Variants in DYM observed in about 807,000 individuals in gnomAD.
DYM encodes dymeclin.
In DYM, 78 loss-of-function variants were observed where a neutral mutation model predicts 93.1. That is an observed-to-expected ratio of 0.84 (90% CI 0.70 to 1.01). The LOEUF (loss-of-function observed/expected upper bound fraction) is 1.01, where lower values mean the gene tolerates loss of function less well. Ranked by LOEUF, DYM falls within the 50% of genes least tolerant of loss-of-function variation. The pLI, the probability that DYM is intolerant of heterozygous loss-of-function variation, is 0.00. For missense variants in DYM, 789 were observed against 845.0 expected (o/e 0.93, Z 0.82); for synonymous variants, 321 against 319.7 (o/e 1.00, Z -0.04).
At chr18:49,387,299 C>T (rs747786475) in intron 3 of DYM, among the ~76,000 whole-genome samples, 8 of 151,750 alleles carry the variant, frequency 5.3e-5, no homozygotes, top group African/African-American at 9.7e-5. Context: ...TTTTTTGTGA[C>T]GGAGTCTCAC....
chr18:49,243,020 G>T (rs1041672726), intron 13 of DYM, among the ~76,000 whole-genome samples: 17 of 152,144 alleles, frequency 1.1e-4, no homozygotes, highest in African/African-American at 3.9e-4. Context: ...GTTTCTAAAG[G>T]AAGCTTAGGG....
intron 2 of DYM, chr18:49,413,208 A>G (rs1183533165): frequency 1.3e-5 from 2 of 152,254 alleles, no homozygotes; most frequent in African/African-American, 2.4e-5. Context: ...CTGGACTTAG[A>G]CAAATAAACC....
intron 15 of DYM, among the ~76,000 whole-genome samples, chr18:49,132,655 G>A (rs2083471933): frequency 6.6e-6 from 1 of 151,824 alleles, no homozygotes; most frequent in Non-Finnish European, 1.5e-5. Flanking sequence ...AAAGTTAGTT[G>A]AAAAATAAAA....
intron 15 of DYM, among the ~76,000 whole-genome samples, chr18:49,148,304 G>A (rs551928588): frequency 6.6e-6 from 1 of 151,122 alleles, no homozygotes; most frequent in Non-Finnish European, 1.5e-5. Context: ...TAACAAACCT[G>A]CATGTTGTGC....
At chr18:49,314,668 T>C (rs1269702994) in intron 8 of DYM, among the ~76,000 whole-genome samples, 1 of 152,368 alleles carries the variant, frequency 6.6e-6, no homozygotes. Flanking sequence ...ATTTGCCTAA[T>C]TTTGAAAGAG....
chr18:49,186,193 T>TA (rs1234755601), intron 14 of DYM, among the ~76,000 whole-genome samples: 1 of 152,218 alleles, frequency 6.6e-6, no homozygotes, highest in Non-Finnish European at 1.5e-5. Context: ...ATAATCACTT[T>TA]ATTTTTTGCT....
intron 16 of DYM, among the ~76,000 whole-genome samples, chr18:49,103,526 T>A (rs2080422940): frequency 1.3e-5 from 2 of 152,234 alleles, no homozygotes; most frequent in South Asian, 4.1e-4. Context: ...GGTTTTCTTC[T>A]AGGGTTTTTA....
intron 14 of DYM, among the ~76,000 whole-genome samples, chr18:49,194,811 G>T (rs1200973003): frequency 6.6e-6 from 1 of 151,992 alleles, no homozygotes; most frequent in Admixed American, 6.5e-5. Flanking sequence ...AAGTCATTTT[G>T]AATTAAAAAG....
At chr18:49,156,064 T>G (rs1282427625) in intron 15 of DYM, among the ~76,000 whole-genome samples, 1 of 152,238 alleles carries the variant, frequency 6.6e-6, no homozygotes, top group Non-Finnish European at 1.5e-5. Flanking sequence ...TGTTATTATC[T>G]GCCTTTTTAT....
At chr18:49,136,752 G>A (rs1484312580) in intron 15 of DYM, among the ~76,000 whole-genome samples, 1 of 152,144 alleles carries the variant, frequency 6.6e-6, no homozygotes, top group African/African-American at 2.4e-5. Context: ...TGATATTAAT[G>A]TAGAAATGCA....
chr18:49,335,725 A>C (rs921030772), intron 6 of DYM, among the ~76,000 whole-genome samples: 4 of 152,158 alleles, frequency 2.6e-5, no homozygotes, highest in Non-Finnish European at 5.9e-5. Flanking sequence ...CCAAATCCTG[A>C]CATAACAAAT....
chr18:49,066,782 CCCTATATCAAA>C (rs2076424269), intron 17 of DYM, among the ~76,000 whole-genome samples: 1 of 152,076 alleles, frequency 6.6e-6, no homozygotes, highest in Admixed American at 6.5e-5. Flanking sequence ...CCTGATCTTG[CCCTATATCAAA>C]CCTTCCCTGG....
intron 15 of DYM, among the ~76,000 whole-genome samples, chr18:49,155,125 A>G (rs1321870955): frequency 6.6e-6 from 1 of 152,228 alleles, no homozygotes; most frequent in Non-Finnish European, 1.5e-5. Context: ...TTTTGTTCTT[A>G]AACAAGGTTG....
chr18:49,188,141 A>C (rs1296842789), intron 14 of DYM, among the ~76,000 whole-genome samples: 11 of 152,244 alleles, frequency 7.2e-5, no homozygotes, highest in Admixed American at 7.2e-4. Context: ...AATCATTTTA[A>C]GCGTTCATTT....
intron 8 of DYM, 140 bp downstream of exon 8, chr18:49,331,724 T>C (rs1599481918): frequency 1.1e-6 from 1 of 903,482 alleles, no homozygotes; most frequent in Non-Finnish European, 1.8e-6. Flanking sequence ...AATATTTTAA[T>C]TACTTTGTTT....
At chr18:49,125,855 T>A (rs2082770043) in intron 15 of DYM, among the ~76,000 whole-genome samples, 1 of 152,208 alleles carries the variant, frequency 6.6e-6, no homozygotes, top group Non-Finnish European at 1.5e-5. Flanking sequence ...CAGAAGTCTG[T>A]CGCCCTACTC....
intron 8 of DYM, among the ~76,000 whole-genome samples, chr18:49,317,832 C>G (rs955913840): frequency 5.3e-5 from 8 of 151,740 alleles, no homozygotes; most frequent in Non-Finnish European, 1.0e-4. Context: ...TGGCATTCAT[C>G]CTTTTAACAA....
chr18:49,086,172 T>C (rs1352135309), intron 17 of DYM, among the ~76,000 whole-genome samples: 2 of 152,138 alleles, frequency 1.3e-5, no homozygotes, highest in African/African-American at 2.4e-5. Flanking sequence ...TGAAACTGGG[T>C]AATTATTTTA....
At chr18:49,138,989 C>T (rs34925638) in intron 15 of DYM, among the ~76,000 whole-genome samples, 8,540 of 152,072 alleles carry the variant, frequency 0.056, 311 homozygotes, top group Middle Eastern at 0.088. Flanking sequence ...CCAATCTCTC[C>T]GAGAGTTAGA....
Sources: gnomAD v4.1 joint callset for allele counts (sites outside exome capture counted in the v4.1 genomes callset) on GRCh38, gnomAD v4.1.1 for gene constraint, MANE v1.5 for transcripts, NCBI Gene and HGNC (gene_info 2026-07-23, HGNC 2026-07-21) for gene names.